The following PPP2R2C variants were observed in gnomAD, a reference collection of about 807,000 sequenced individuals.
The protein encoded by PPP2R2C is protein phosphatase 2 regulatory subunit Bgamma, also known as protein phosphatase 2, regulatory subunit B, gamma.
A neutral mutation model predicts 45.3 loss-of-function variants in PPP2R2C; 10 were observed. That is an observed-to-expected ratio of 0.22 (90% confidence interval 0.14 to 0.37). The LOEUF is 0.37. PPP2R2C is among the 10% of genes least tolerant of loss of function. The pLI, the probability that PPP2R2C is intolerant of heterozygous loss-of-function variation, is 1.00. For synonymous variants in PPP2R2C, 257 were observed against 245.4 expected, an observed-to-expected ratio of 1.05 and a Z score of -0.44; for missense variants, 308 against 619.7, an observed-to-expected ratio of 0.50 and a Z score of 5.34.
chr4:6,388,108 G>A (rs56009758), intron 1 of PPP2R2C, among the ~76,000 whole-genome samples: 8,041 of 152,278 alleles, frequency 0.053, 289 homozygotes, highest in Non-Finnish European at 0.077. Context: ...TGTGGGTGAC[G>A]AGAAGCCCAT....
intron 6 of PPP2R2C, among the ~76,000 whole-genome samples, chr4:6,346,499 T>C (rs1366930214): frequency 6.6e-6 from 1 of 152,150 alleles, no homozygotes; most frequent in Non-Finnish European, 1.5e-5. Flanking sequence ...TGCCCTGACA[T>C]GCGTCAGGTG....
intron 2 of PPP2R2C, among the ~76,000 whole-genome samples, chr4:6,530,803 C>T (rs1724371171): frequency 1.3e-5 from 2 of 152,228 alleles, no homozygotes; most frequent in Admixed American, 1.3e-4. Flanking sequence ...AAGTGGCCAT[C>T]CCAACTAAAC....
chr4:6,384,834 GACT>G (rs1716108483), intron 1 of PPP2R2C: 4 of 985,468 alleles, frequency 4.1e-6, no homozygotes, highest in Non-Finnish European at 4.8e-6. Context: ...CTCCATGAGA[GACT>G]ACGCCATGAG....
In PPP2R2C at chr4:6,378,700, G is replaced by A. The variant is rs1715545228; in HGVS notation, c.169-128C>T. ...GCCGTGCCAGGGATCCAATTCGAGG[G>A]TCAAATGAAACTCTCTGCAGCTTAA... On this transcript the variant is annotated intron_variant, in intron 2 of 8. Coordinates refer to ENST00000382599, the MANE Select transcript of PPP2R2C (RefSeq NM_020416.4). This position sits in a 1 kb window ranked among gnomAD's most constrained non-coding sequence, Gnocchi z 5.2. 1 of 1,017,328 alleles carries A rather than the reference G, an allele frequency of 9.8e-7. No individual in the cohort carries two copies. The highest frequency in any genetic ancestry group is 1.4e-6 in the Non-Finnish European group (1 of 691,312). 63.0% of individuals were successfully genotyped at this position (1,017,328 alleles called of 1,614,324 possible).
At chr4:6,390,720 G>A (rs1368025266) in intron 1 of PPP2R2C, among the ~76,000 whole-genome samples, 2 of 152,186 alleles carry the variant, frequency 1.3e-5, no homozygotes, top group Non-Finnish European at 2.9e-5. Context: ...GATTTTATGT[G>A]AGGGGTCTGA....
At chr4:6,534,248 C>T (rs1724512625) in intron 2 of PPP2R2C, among the ~76,000 whole-genome samples, 1 of 150,870 alleles carries the variant, frequency 6.6e-6, no homozygotes, top group African/African-American at 2.4e-5. Flanking sequence ...CACACATACA[C>T]ACACAGTAAG....
chr4:6,509,257 G>T (rs970086843), intron 2 of PPP2R2C, among the ~76,000 whole-genome samples: 3 of 152,170 alleles, frequency 2.0e-5, no homozygotes, highest in Non-Finnish European at 4.4e-5. Flanking sequence ...GAAAACAAAG[G>T]AGGAAATCTG....
Position 6,322,850 on chromosome 4 carries a change from G to C in PPP2R2C, c.*452C>G, listed in dbSNP as rs576732329. ...TTGAGACTCATCATCTGTCCCTGGA[G>C]CCCTGATCTGGGACCAGTGAGGCAT... On this transcript the variant is annotated 3_prime_UTR_variant, in exon 9 of 9. Coordinates refer to ENST00000382599, the MANE Select transcript of PPP2R2C (RefSeq NM_020416.4). This position sits in a 1 kb window ranked among gnomAD's most constrained non-coding sequence, Gnocchi z 7.8. 29 of 154,450 alleles carry C rather than the reference G, an allele frequency of 1.9e-4. No homozygotes were observed. The highest frequency in any genetic ancestry group is 3.7e-4 in the Non-Finnish European group (26 of 69,652). 9.6% of individuals were successfully genotyped at this position (154,450 alleles called of 1,614,324 possible).
intron 6 of PPP2R2C, among the ~76,000 whole-genome samples, chr4:6,340,617 C>T (rs986030579): frequency 1.3e-5 from 2 of 152,286 alleles, no homozygotes; most frequent in South Asian, 2.1e-4. Context: ...CCACCTGCAC[C>T]GGCCACTCAC....
At chr4:6,557,642 G>A (rs1366248988) in intron 1 of PPP2R2C, among the ~76,000 whole-genome samples, 3 of 152,198 alleles carry the variant, frequency 2.0e-5, no homozygotes, top group African/African-American at 7.2e-5. Flanking sequence ...CTGCTGTGTA[G>A]TGAGCGCTGT....
intron 1 of PPP2R2C, among the ~76,000 whole-genome samples, chr4:6,440,635 T>C (rs1036024937): frequency 6.6e-6 from 1 of 152,208 alleles, no homozygotes; most frequent in Non-Finnish European, 1.5e-5. Flanking sequence ...CTTGGTGCTG[T>C]CTGTGGTGCT....
intron 2 of PPP2R2C, among the ~76,000 whole-genome samples, chr4:6,482,737 T>C (rs1221146819): frequency 6.6e-6 from 1 of 152,222 alleles, no homozygotes; most frequent in African/African-American, 2.4e-5. Context: ...TGCTGTCTAG[T>C]CGTTAGTTCC....
intron 1 of PPP2R2C, among the ~76,000 whole-genome samples, chr4:6,422,594 C>G (rs1719049473): frequency 6.6e-6 from 1 of 152,210 alleles, no homozygotes; most frequent in African/African-American, 2.4e-5. Flanking sequence ...ATGGTTTCTT[C>G]TGAAGCCTCT....
intron 1 of PPP2R2C, among the ~76,000 whole-genome samples, chr4:6,553,857 A>AC (rs765048867): frequency 3.9e-4 from 59 of 151,890 alleles, no homozygotes; most frequent in Non-Finnish European, 7.2e-4. Flanking sequence ...AGGAGCAGTC[A>AC]CCCCTCATCC....
At chr4:6,476,883 G>A (rs935176432), upstream of PPP2R2C, among the ~76,000 whole-genome samples, 6 of 152,138 alleles carry the variant, frequency 3.9e-5, no homozygotes. Context: ...TGACCCCACT[G>A]TTGTTGGGCA....
At chr4:6,359,070 C>A (rs1713494699) in intron 5 of PPP2R2C, among the ~76,000 whole-genome samples, 1 of 152,144 alleles carries the variant, frequency 6.6e-6, no homozygotes, top group South Asian at 2.1e-4. Context: ...GCGCTATTCA[C>A]AATAGCAAAG....
chr4:6,476,645 G>A (rs144533865), upstream of PPP2R2C, among the ~76,000 whole-genome samples: 113 of 152,262 alleles, frequency 7.4e-4, no homozygotes, highest in South Asian at 2.3e-3. Flanking sequence ...TGTTCTAGCA[G>A]TCCAAACTGA....
chr4:6,472,637 C>A (rs1408021896), upstream of PPP2R2C, among the ~76,000 whole-genome samples: 2 of 147,544 alleles, frequency 1.4e-5, no homozygotes, highest in Non-Finnish European at 3.0e-5. Context: ...GCCGCCGCCG[C>A]CGCCGCTGTC....
intron 2 of PPP2R2C, among the ~76,000 whole-genome samples, chr4:6,531,952 C>T (rs1724417495): frequency 6.6e-6 from 1 of 152,186 alleles, no homozygotes; most frequent in Admixed American, 6.5e-5. Context: ...TCTCATCCCC[C>T]AAGGCTACAC....
Sources: allele counts gnomAD v4.1 joint callset (sites outside exome capture counted in the v4.1 genomes callset), GRCh38; gene constraint gnomAD v4.1.1; non-coding constraint Gnocchi (gnomAD v3.1); transcripts MANE v1.5; gene names NCBI Gene and HGNC (gene_info 2026-07-23, HGNC 2026-07-21).